The following GMDS variants were observed in gnomAD, a reference collection of about 807,000 sequenced individuals.
GMDS encodes GDP-mannose 4,6 dehydratase.
Under a neutral mutation model 49.9 loss-of-function variants are expected in GMDS, and 20 were observed. That is an observed-to-expected ratio of 0.40 (90% confidence interval 0.28 to 0.58). GMDS has a LOEUF of 0.58. Among genes scored for constraint, GMDS ranks in the 20% least tolerant of loss-of-function variants. The pLI, the probability that GMDS is intolerant of heterozygous loss-of-function variation, is 0.42. For synonymous variants in GMDS, 177 were observed against 178.6 expected (o/e 0.99, Z 0.07); for missense variants, 362 against 481.4 (o/e 0.75, Z 2.32).
intron 1 of GMDS, among the ~76,000 whole-genome samples, chr6:2,244,633 T>A (rs776749575): frequency 8.5e-5 from 13 of 152,180 alleles, no homozygotes; most frequent in Non-Finnish European, 1.3e-4. Context: ...ATTACCTTAC[T>A]CGACGAACTT....
intron 7 of GMDS, among the ~76,000 whole-genome samples, chr6:1,891,449 T>TC (rs1311338628): frequency 6.6e-6 from 1 of 152,242 alleles, no homozygotes; most frequent in Non-Finnish European, 1.5e-5. Flanking sequence ...GCCTAATCCC[T>TC]GAACTTCCAG....
At chr6:2,212,513 G>A (rs997017821) in intron 1 of GMDS, among the ~76,000 whole-genome samples, 4 of 152,080 alleles carry the variant, frequency 2.6e-5, no homozygotes, top group Admixed American at 6.6e-5. Context: ...TATTCCTTAT[G>A]TGCTTAAAAT....
intron 9 of GMDS, among the ~76,000 whole-genome samples, chr6:1,669,140 T>C (rs1358859242): frequency 6.6e-6 from 1 of 152,234 alleles, no homozygotes; most frequent in East Asian, 1.9e-4. Flanking sequence ...AATTTTTCTC[T>C]GGAAGGAAGA....
chr6:1,695,764 C>T (rs1361712798), intron 9 of GMDS, among the ~76,000 whole-genome samples: 1 of 152,126 alleles, frequency 6.6e-6, no homozygotes, highest in Non-Finnish European at 1.5e-5. Flanking sequence ...CAGAGTCCCA[C>T]GTGTTCTTTT....
Position 1,640,908 on chromosome 6 carries a change from C to T in GMDS, c.988-16368G>A, listed in dbSNP as rs1306602468. Among the ~76,000 whole-genome samples, 1 of 152,154 alleles carries T rather than the reference C, an allele frequency of 6.6e-6. No homozygotes were observed. The highest frequency in any genetic ancestry group is 1.5e-5 in the Non-Finnish European group (1 of 68,028). ...TGGGTAAAGCTTGAGGTGGAGGGAG[C>T]AGGCTGGGCTAGGGCCCTGAAGGGC... On this transcript the variant is annotated intron_variant, in intron 9 of 10. Transcript: ENST00000380815. The surrounding 1 kb of genome is among the most constrained non-coding windows in gnomAD (Gnocchi z 4.0).
chr6:2,022,511 G>C (rs527849238), intron 4 of GMDS, among the ~76,000 whole-genome samples: 22 of 152,162 alleles, frequency 1.4e-4, no homozygotes, highest in Non-Finnish European at 2.4e-4. Flanking sequence ...AATTTTAAAA[G>C]AAAAGGAGTG....
intron 1 of GMDS, among the ~76,000 whole-genome samples, chr6:2,225,627 A>T (rs1246921912): frequency 6.6e-6 from 1 of 152,198 alleles, no homozygotes; most frequent in African/African-American, 2.4e-5. Context: ...GCTGTAAACC[A>T]ACCAACACAG....
chr6:1,670,056 A>G (rs1471774443), intron 9 of GMDS, among the ~76,000 whole-genome samples: 3 of 152,056 alleles, frequency 2.0e-5, no homozygotes, highest in African/African-American at 7.2e-5. Flanking sequence ...TTGGTGTCAC[A>G]AACGAGGGGA....
intron 7 of GMDS, among the ~76,000 whole-genome samples, chr6:1,906,253 G>A (rs936344616): frequency 2.6e-5 from 4 of 152,144 alleles, no homozygotes; most frequent in African/African-American, 9.7e-5. Context: ...TCTGTGGGTG[G>A]TCAGTTCCCC....
intron 4 of GMDS, among the ~76,000 whole-genome samples, chr6:2,011,068 C>A (rs768027740): frequency 6.6e-6 from 1 of 151,874 alleles, no homozygotes; most frequent in Non-Finnish European, 1.5e-5. Context: ...CAAGAAAAGA[C>A]GGGGGAAAGG....
chr6:2,195,712 C>G (rs1779248587), intron 1 of GMDS, among the ~76,000 whole-genome samples: 1 of 151,510 alleles, frequency 6.6e-6, no homozygotes, highest in Admixed American at 6.6e-5. Context: ...TTGGGTATGG[C>G]AGCTCATGCC....
intron 8 of GMDS, among the ~76,000 whole-genome samples, chr6:1,737,798 T>C (rs200766609): frequency 3.8e-4 from 29 of 77,298 alleles, no homozygotes; most frequent in African/African-American, 9.8e-4. Context: ...CACACATACA[T>C]ACACACACAT....
At chr6:1,715,897 A>C (rs1295969284) in intron 9 of GMDS, among the ~76,000 whole-genome samples, 1 of 152,256 alleles carries the variant, frequency 6.6e-6, no homozygotes, top group Non-Finnish European at 1.5e-5. Flanking sequence ...TATTAACTTC[A>C]ATACCTTAGT....
chr6:2,019,957 C>A (rs546286661), intron 4 of GMDS, among the ~76,000 whole-genome samples: 2 of 152,122 alleles, frequency 1.3e-5, no homozygotes, highest in Non-Finnish European at 2.9e-5. Flanking sequence ...GGTGTATAAT[C>A]CTTTTTATAT....
chr6:2,189,167 GAGAC>G (rs1778907514), intron 1 of GMDS, among the ~76,000 whole-genome samples: 1 of 152,160 alleles, frequency 6.6e-6, no homozygotes, highest in South Asian at 2.1e-4. Flanking sequence ...AAAAATGAAA[GAGAC>G]AGAACACACG....
At chr6:2,095,919 A>T (rs1402707801) in intron 4 of GMDS, among the ~76,000 whole-genome samples, 1 of 152,250 alleles carries the variant, frequency 6.6e-6, no homozygotes, top group East Asian at 1.9e-4. Context: ...TTTGACCTCA[A>T]TGAAATTTAA....
intron 4 of GMDS, among the ~76,000 whole-genome samples, chr6:2,030,778 G>T (rs1768906124): frequency 6.6e-6 from 1 of 152,122 alleles, no homozygotes; most frequent in South Asian, 2.1e-4. Flanking sequence ...TTATAAAGTG[G>T]TTCGCTAAAT....
At chr6:2,028,054 G>A (rs184700968) in intron 4 of GMDS, among the ~76,000 whole-genome samples, 7 of 151,970 alleles carry the variant, frequency 4.6e-5, no homozygotes, top group East Asian at 1.9e-4. Flanking sequence ...TAAAGGGCCC[G>A]CCTTAAAAAA....
At chr6:1,904,190 T>G (rs950454102) in intron 7 of GMDS, among the ~76,000 whole-genome samples, 2 of 152,114 alleles carry the variant, frequency 1.3e-5, no homozygotes, top group African/African-American at 4.8e-5. Context: ...AAGATTTAAA[T>G]AACACGAAAT....
Sources: gnomAD v4.1 joint callset for allele counts (sites outside exome capture counted in the v4.1 genomes callset) on GRCh38, gnomAD v4.1.1 for gene constraint, Gnocchi (gnomAD v3.1) non-coding constraint, MANE v1.5 for transcripts, NCBI Gene and HGNC (gene_info 2026-07-23, HGNC 2026-07-21) for gene names.